TP63: variants seen among roughly 807,000 people sequenced by gnomAD.
TP63 encodes the protein tumor protein 63.
TP63 carries 17 observed loss-of-function variants against 82.8 expected under a neutral mutation model. The observed-to-expected ratio is 0.21, with a 90% confidence interval of 0.14 to 0.31. TP63 has a LOEUF of 0.31. Among genes scored for constraint, TP63 ranks in the 10% least tolerant of loss-of-function variants. The probability of loss-of-function intolerance (pLI) is 1.00; values close to 1 mark genes in which losing one functional copy is unlikely to be tolerated. For missense variants in TP63, 648 were observed against 895.3 expected, an observed-to-expected ratio of 0.72 and a Z score of 3.52; for synonymous variants, 330 against 321.7, an observed-to-expected ratio of 1.03 and a Z score of -0.28.
chr3:189,769,982 G>A (rs76909553), intron 3 of TP63, among the ~76,000 whole-genome samples: 472 of 152,270 alleles, frequency 3.1e-3, no homozygotes, highest in Admixed American at 6.3e-3. Flanking sequence ...TTGTTTACCA[G>A]GGTTACAACT....
intron 3 of TP63, chr3:189,738,988 G>A (rs1720792362): frequency 1.6e-6 from 1 of 634,496 alleles, no homozygotes; most frequent in African/African-American, 1.8e-5. Context: ...TTCCATCCGT[G>A]TGGGGAGGGA....
At chr3:189,667,971 G>C (rs1328151172) in intron 1 of TP63, among the ~76,000 whole-genome samples, 3 of 152,060 alleles carry the variant, frequency 2.0e-5, no homozygotes, top group Admixed American at 1.3e-4. Flanking sequence ...TTGACCCACA[G>C]ACCATAGTTT....
intron 1 of TP63, among the ~76,000 whole-genome samples, chr3:189,735,884 CTG>C (rs773519670): frequency 3.3e-5 from 5 of 151,970 alleles, no homozygotes; most frequent in Non-Finnish European, 5.9e-5. Flanking sequence ...TACAATAGAA[CTG>C]AGGATTTATG....
chr3:189,721,064 G>A (rs757698664), intron 1 of TP63, among the ~76,000 whole-genome samples: 84 of 152,216 alleles, frequency 5.5e-4, no homozygotes, highest in Non-Finnish European at 1.0e-3. Context: ...ACACTGACAG[G>A]GAAGATCTTT....
intron 1 of TP63, among the ~76,000 whole-genome samples, chr3:189,637,329 C>G (rs982992538): frequency 3.9e-5 from 6 of 152,092 alleles, no homozygotes; most frequent in African/African-American, 9.7e-5. Flanking sequence ...TTGTTCAGTT[C>G]TACTATTATA....
chr3:189,771,004 A>G (rs1723297951), intron 3 of TP63, among the ~76,000 whole-genome samples: 2 of 152,040 alleles, frequency 1.3e-5, no homozygotes, highest in South Asian at 4.1e-4. Flanking sequence ...ACAACAGGCA[A>G]TGTATATCTA....
intron 8 of TP63, 30 bp downstream of exon 8, chr3:189,868,746 G>A (rs2108807425): frequency 6.2e-7 from 1 of 1,613,678 alleles, no homozygotes; most frequent in Non-Finnish European, 8.5e-7. Flanking sequence ...AAATGGGGTA[G>A]GGTTGAATCT....
rs978978487 is a variant in TP63, at chr3:189,631,484, C to T, written c.-32C>T. The T allele has an allele frequency of 1.9e-6, 3 of 1,612,044 alleles. No individual in the cohort carries two copies. Among genetic ancestry groups the T allele is most frequent in the Non-Finnish European group, 1.7e-6 (2 of 1,178,622 alleles). On this transcript the variant is annotated 5_prime_UTR_variant, in exon 1 of 14. Transcript: ENST00000264731. ...TGTGTATATTTTATATAATTGTTCTCCGTTCGTTGATATCAAAGACAGTTG... is the reference window on the plus strand; with the variant it reads ...TGTGTATATTTTATATAATTGTTCTTCGTTCGTTGATATCAAAGACAGTTG...
intron 4 of TP63, among the ~76,000 whole-genome samples, chr3:189,861,675 T>C (rs1717058986): frequency 6.6e-6 from 1 of 152,200 alleles, no homozygotes; most frequent in Admixed American, 6.5e-5. Flanking sequence ...CTATGTTAAA[T>C]AGACCACTTT....
chr3:189,861,318 A>G (rs557719739), intron 4 of TP63, among the ~76,000 whole-genome samples: 1 of 152,292 alleles, frequency 6.6e-6, no homozygotes, highest in Non-Finnish European at 1.5e-5. Flanking sequence ...ATGTTGCTGC[A>G]AAGGACATGA....
intron 3 of TP63, among the ~76,000 whole-genome samples, chr3:189,786,762 G>T (rs910158575): frequency 3.9e-5 from 6 of 152,102 alleles, no homozygotes; most frequent in African/African-American, 1.4e-4. Context: ...AAATAGAGTT[G>T]TTCTAACTAC....
chr3:189,711,562 C>T (rs1240756026), intron 1 of TP63, among the ~76,000 whole-genome samples: 1 of 152,112 alleles, frequency 6.6e-6, no homozygotes, highest in Non-Finnish European at 1.5e-5. Flanking sequence ...GTAACATTGG[C>T]TCCAGGCTTT....
At chr3:189,891,858 C>T (rs144771365) in intron 13 of TP63, among the ~76,000 whole-genome samples, 433 of 152,290 alleles carry the variant, frequency 2.8e-3, no homozygotes, top group Middle Eastern at 0.01. Flanking sequence ...GGGAAGAAGA[C>T]AGTCTCTGCC....
chr3:189,695,302 G>C (rs1350769720), intron 1 of TP63, among the ~76,000 whole-genome samples: 2 of 147,684 alleles, frequency 1.4e-5, no homozygotes, highest in Non-Finnish European at 3.0e-5. Context: ...CTTTCAGTTA[G>C]TTCCTGTGTC....
intron 4 of TP63, among the ~76,000 whole-genome samples, chr3:189,843,334 C>T (rs1177961805): frequency 6.6e-6 from 1 of 152,226 alleles, no homozygotes; most frequent in East Asian, 1.9e-4. Flanking sequence ...AGACAGCCCA[C>T]CTGCTTGATG....
intron 4 of TP63, among the ~76,000 whole-genome samples, chr3:189,825,299 A>G (rs112835411): frequency 0.049 from 7,465 of 152,286 alleles, 231 homozygotes; most frequent in South Asian, 0.085. Context: ...TGGCTAAACT[A>G]TACACCCTGT....
At chr3:189,601,873 C>A in the TP63 span, among the ~76,000 whole-genome samples, 1 of 152,160 alleles carries the variant, frequency 6.6e-6, no homozygotes, top group Admixed American at 6.5e-5. Context: ...AATAAGAAGT[C>A]ACTGAAGATG....
At chr3:189,843,381 G>A (rs930347841) in intron 4 of TP63, among the ~76,000 whole-genome samples, 9 of 152,174 alleles carry the variant, frequency 5.9e-5, no homozygotes, top group African/African-American at 7.2e-5. Flanking sequence ...AGAATGTGCC[G>A]CTCCCAGCCT....
At chr3:189,871,645 C>G (rs142507757) in intron 9 of TP63, among the ~76,000 whole-genome samples, 22 of 152,300 alleles carry the variant, frequency 1.4e-4, no homozygotes, top group African/African-American at 5.1e-4. Context: ...TAAATAGTCA[C>G]TCACACCCAA....
Sources: allele counts gnomAD v4.1 joint callset (sites outside exome capture counted in the v4.1 genomes callset), GRCh38; gene constraint gnomAD v4.1.1; transcripts MANE v1.5; gene names NCBI Gene and HGNC (gene_info 2026-07-23, HGNC 2026-07-21).